Variants in FLNB observed in about 807,000 individuals in gnomAD.
FLNB encodes filamin B.
In FLNB, 111 loss-of-function variants were observed where a neutral mutation model predicts 250.6. The ratio of observed to expected loss-of-function variants is 0.44; its 90% CI spans 0.38 to 0.52. The LOEUF is 0.52. FLNB is among the 20% of genes least tolerant of loss of function. FLNB has a pLI of 0.00. For missense variants in FLNB, 2,869 were observed against 3,447.8 expected, an observed-to-expected ratio of 0.83 and a Z score of 4.20; for synonymous variants, 1,302 against 1,372.1, an observed-to-expected ratio of 0.95 and a Z score of 1.13.
At chr3:58,122,985 T>C in intron 20 of FLNB, 108 bp from the exon 21 acceptor site, 1 of 1,015,460 alleles carries the variant, frequency 9.8e-7, no homozygotes, top group Non-Finnish European at 1.6e-6. Context: ...AGAGAAGGGC[T>C]GCCTGGCTCA....
In FLNB at chr3:58,159,583, A is replaced by T. The variant is rs750590059; in HGVS notation, c.6918A>T (p.Ala2306=). The T allele has an allele frequency of 6.2e-7, 1 of 1,614,168 alleles. No homozygotes were observed. Among genetic ancestry groups the T allele is most frequent in the South Asian group, 1.1e-5 (1 of 91,088 alleles). ...CGGGATTAAAAGTTAACCAGCCAGC[A>T]TCCTTTGCTATAAGGTTGAATGGCG... ...QESGLKVNQP[A]SFAIRLNGAK... is the part of the protein sequence containing the mutation. Residue 2306 remains alanine (A), a synonymous_variant, in exon 42 of 46, where the codon GCA becomes GCT. Coordinates refer to ENST00000295956, the MANE Select transcript of FLNB (RefSeq NM_001457.4).
intron 12 of FLNB, 75 bp downstream of exon 12, chr3:58,106,948 A>AAGC: frequency 8.3e-7 from 1 of 1,207,196 alleles, no homozygotes; most frequent in Non-Finnish European, 1.2e-6. Flanking sequence ...AAGTTGCCTT[A>AAGC]AGCAGCATGT....
intron 1 of FLNB, among the ~76,000 whole-genome samples, chr3:58,020,903 C>T (rs184000874): frequency 6.6e-6 from 1 of 152,070 alleles, no homozygotes; most frequent in Non-Finnish European, 1.5e-5. Context: ...TTTCCTTCAA[C>T]AGGCAGGAAC....
At chr3:58,085,199 G>A (rs2097215546) in intron 4 of FLNB, among the ~76,000 whole-genome samples, 1 of 152,230 alleles carries the variant, frequency 6.6e-6, no homozygotes, top group Admixed American at 6.5e-5. Context: ...ATACCCAGAA[G>A]TGGAATTGGT....
rs756098520 is a variant in FLNB at position 58,110,000 on chromosome 3, T to C, written c.2324-10T>C. 3 of 1,614,192 alleles carry C rather than the reference T, an allele frequency of 1.9e-6. No homozygotes were observed. The South Asian group carries it at 3.3e-5, about 18-fold the overall frequency. On this transcript the variant is annotated splice_polypyrimidine_tract_variant and intron_variant, in intron 15 of 45. Transcript: ENST00000295956. ...TTGTAAGCTGGTGCTAATAAGCTGG[T>C]CTGTTCCAGGTGATGTCAGTGTTGG...
Position 58,159,667 on chromosome 3 carries a change from C to T in FLNB, c.7002C>T (p.His2334=), listed in dbSNP as rs753230848. ...HSPSGAVEEC[H]VSELEPDKYA... ...CCTCTGGAGCCGTGGAGGAGTGCCACGTGTCTGAGCTGGAGCCAGGTGAGC... is the reference window on the plus strand; with the variant it reads ...CCTCTGGAGCCGTGGAGGAGTGCCATGTGTCTGAGCTGGAGCCAGGTGAGC... Residue 2334 remains histidine, a synonymous_variant, in exon 42 of 46, where the codon CAC becomes CAT. Transcript: ENST00000295956. The T allele has an allele frequency of 1.2e-5, 20 of 1,613,572 alleles. No individual in the cohort carries two copies. Among genetic ancestry groups the T allele is most frequent in the Admixed American group, 3.3e-5 (2 of 60,000 alleles).
chr3:58,168,713 C>G, intron 44 of FLNB, 55 bp downstream of exon 44: 1 of 1,274,296 alleles, frequency 7.8e-7, no homozygotes, highest in Non-Finnish European at 1.1e-6. Context: ...CTGGTTGTGT[C>G]AGATCAATCA....
At chr3:58,028,733 C>A (rs1215471300) in intron 1 of FLNB, among the ~76,000 whole-genome samples, 1 of 150,432 alleles carries the variant, frequency 6.6e-6, no homozygotes, top group East Asian at 2.0e-4. Flanking sequence ...CCTGCCTCAG[C>A]CTCCCAAGTA....
At chr3:58,008,955 A>C in intron 1 of FLNB, 99 bp downstream of exon 1, 1 of 1,436,688 alleles carries the variant, frequency 7.0e-7, no homozygotes, top group Non-Finnish European at 9.8e-7. Context: ...GCGCGCCCCC[A>C]CCTCGGAGAT....
intron 41 of FLNB, among the ~76,000 whole-genome samples, chr3:58,157,304 G>A (rs1358386347): frequency 1.3e-5 from 2 of 152,164 alleles, no homozygotes; most frequent in Non-Finnish European, 2.9e-5. Context: ...GCCTTGAGCT[G>A]CCCCCAGTTC....
intron 1 of FLNB, among the ~76,000 whole-genome samples, chr3:58,065,125 G>T (rs1462907741): frequency 1.3e-5 from 2 of 152,184 alleles, no homozygotes; most frequent in Admixed American, 6.5e-5. Flanking sequence ...TGTGCTCTGT[G>T]TGCTTCTGTG....
intron 1 of FLNB, among the ~76,000 whole-genome samples, chr3:58,039,196 G>GAA (rs768670049): frequency 2.5e-5 from 3 of 121,022 alleles, no homozygotes; most frequent in Non-Finnish European, 3.5e-5. Context: ...GTCTCTACAG[G>GAA]AAAAAAAAAA....
chr3:58,017,425 G>C (rs2106695957), intron 1 of FLNB, among the ~76,000 whole-genome samples: 1 of 152,126 alleles, frequency 6.6e-6, no homozygotes, highest in South Asian at 2.1e-4. Flanking sequence ...TAATTTTTTT[G>C]CATTTTTAGT....
chr3:58,092,152 CAGTA>C (rs2097228949), intron 4 of FLNB, among the ~76,000 whole-genome samples: 1 of 152,144 alleles, frequency 6.6e-6, no homozygotes, highest in African/African-American at 2.4e-5. Flanking sequence ...GAAATTTGTT[CAGTA>C]TCATTAACCA....
rs776029564 is a variant in FLNB at position 58,146,794 on chromosome 3, C to T, written c.5555-26C>T. Reference sequence around the variant, plus strand: ...AACAAGGCAACTCTCTCCCTAACACCCCTGCATCCCTGTTCCCACTTGTAG... The same window carrying T: ...AACAAGGCAACTCTCTCCCTAACACTCCTGCATCCCTGTTCCCACTTGTAG... On this transcript the variant is annotated intron_variant, in intron 33 of 45. Transcript: ENST00000295956. The T allele has an allele frequency of 4.3e-6, 7 of 1,613,472 alleles. No homozygotes were observed. The East Asian group carries it at 6.7e-5, about 15-fold the overall frequency.
rs147426569 is a variant in FLNB, at chr3:58,138,292, C to T, written c.4872C>T (p.Ile1624=). The T allele has an allele frequency of 5.5e-3, 8,901 of 1,613,906 alleles. 41 individuals carry two copies. The highest frequency in any genetic ancestry group is 6.6e-3 in the Non-Finnish European group (7,805 of 1,180,028). The part of the protein sequence containing the change: ...ASKCLATGPG[I]ASTVKTGEEV... ...TGAACTCTTCTCCAGGTCCTGGAAT[C>T]GCCTCCACTGTGAAAACTGGCGAAG... The change falls in exon 29 of 46, where the codon ATC becomes ATT. Residue 1624 remains isoleucine, a synonymous_variant. Transcript: ENST00000295956.
At chr3:58,102,461 T>G (rs781039130) in intron 9 of FLNB, 121 bp downstream of exon 9, 2 of 1,184,762 alleles carry the variant, frequency 1.7e-6, no homozygotes, top group Non-Finnish European at 2.5e-6. Context: ...TGTCAAGGAT[T>G]TGAGGCTATC....
chr3:58,119,780 A>G (rs1300555705), intron 19 of FLNB, among the ~76,000 whole-genome samples: 1 of 152,174 alleles, frequency 6.6e-6, no homozygotes, highest in Non-Finnish European at 1.5e-5. Context: ...CAAAGTTTTC[A>G]ATTCAGTTTC....
intron 1 of FLNB, among the ~76,000 whole-genome samples, chr3:58,028,581 C>G (rs988495683): frequency 6.7e-6 from 1 of 150,088 alleles, no homozygotes; most frequent in Admixed American, 6.6e-5. Flanking sequence ...ACATGGGAGA[C>G]CTTATCTCTA....
Sources: allele counts gnomAD v4.1 joint callset (sites outside exome capture counted in the v4.1 genomes callset), GRCh38; gene constraint gnomAD v4.1.1; transcripts MANE v1.5; gene names NCBI Gene and HGNC (gene_info 2026-07-23, HGNC 2026-07-21).